LRP5: variants seen among roughly 807,000 people sequenced by gnomAD.
The protein encoded by LRP5 is low-density lipoprotein receptor-related protein 5.
In LRP5, 62 loss-of-function variants were observed where a neutral mutation model predicts 154.1. The ratio of observed to expected loss-of-function variants is 0.40; its 90% CI spans 0.33 to 0.50. The LOEUF (loss-of-function observed/expected upper bound fraction) is 0.50, where lower values mean the gene tolerates loss of function less well. Ranked by LOEUF, LRP5 falls within the 20% of genes least tolerant of loss-of-function variation. The probability of loss-of-function intolerance (pLI) is 0.55; values close to 1 mark genes in which losing one functional copy is unlikely to be tolerated. For synonymous variants in LRP5, 966 were observed against 1,011.5 expected (o/e 0.96, Z 0.85); for missense variants, 1,915 against 2,336.7 (o/e 0.82, Z 3.72).
intron 6 of LRP5, among the ~76,000 whole-genome samples, 163 bp from the exon 7 acceptor site, chr11:68,389,718 C>T (rs879505485): frequency 3.3e-5 from 5 of 151,712 alleles, no homozygotes; most frequent in Non-Finnish European, 7.4e-5. Context: ...TTACCAACAC[C>T]GACATTTACG....
At chr11:68,321,249 T>C (rs1444270155) in intron 1 of LRP5, among the ~76,000 whole-genome samples, 1 of 152,138 alleles carries the variant, frequency 6.6e-6, no homozygotes, top group East Asian at 1.9e-4. Flanking sequence ...TGCCTGTGAG[T>C]GTCTTTGTGT....
intron 6 of LRP5, 103 bp from the exon 7 acceptor site, chr11:68,389,778 A>C: frequency 8.7e-7 from 1 of 1,146,142 alleles, no homozygotes. Flanking sequence ...ACATTTAGCC[A>C]TGTGATGGGG....
chr11:68,385,504 G>A (rs996638629), intron 5 of LRP5, among the ~76,000 whole-genome samples: 1 of 152,162 alleles, frequency 6.6e-6, no homozygotes, highest in South Asian at 2.1e-4. Flanking sequence ...GGAGGCCGCG[G>A]TGCAGCCCCA....
At position 68,449,092 on chromosome 11, in the gene LRP5, T is replaced by A. The variant is rs1402518739; in HGVS notation, c.*22T>A. On this transcript the variant is annotated 3_prime_UTR_variant, in exon 23 of 23. Coordinates refer to ENST00000294304, the MANE Select transcript of LRP5 (RefSeq NM_002335.4). ...CTGACCTCGGCCGGGCCACTCTGGC[T>A]TCTCTGTGCCCCTGTAAATAGTTTT... is the stretch of plus-strand genomic sequence containing the variant. 7 of 1,518,970 alleles carry A rather than the reference T, an allele frequency of 4.6e-6. No individual in the cohort carries two copies. The highest frequency in any genetic ancestry group is 4.4e-6 in the Non-Finnish European group (5 of 1,136,742). The allele number at this position is 1,518,970 out of a possible 1,614,324, so 94.1% of individuals were successfully genotyped here. A position where few individuals can be genotyped will look rare whatever the true frequency, so the allele number is the denominator to read the frequency against.
At chr11:68,299,921 C>A in the LRP5 span, among the ~76,000 whole-genome samples, 2 of 148,646 alleles carry the variant, frequency 1.3e-5, no homozygotes, top group East Asian at 1.9e-4. Context: ...TTTTTTGAGA[C>A]GGAGTCTTGT....
At chr11:68,351,907 G>C (rs1018779473) in intron 2 of LRP5, among the ~76,000 whole-genome samples, 1 of 152,128 alleles carries the variant, frequency 6.6e-6, no homozygotes, top group Non-Finnish European at 1.5e-5. Context: ...TGGGGGCAGC[G>C]CGGTCCAGGC....
Position 68,409,405 on chromosome 11 carries a change from T to C in LRP5, c.2092-509T>C, listed in dbSNP as rs554232947. ...CATTTATATTATTTTATATAAAATA[T>C]ATATAAAATCTCCAAGTTGCTTTTT... is the stretch of plus-strand genomic sequence containing the variant. On this transcript the variant is annotated intron_variant, in intron 9 of 22. Coordinates refer to ENST00000294304, the MANE Select transcript of LRP5 (RefSeq NM_002335.4). Among the ~76,000 whole-genome samples, 9 of 149,006 alleles carry C rather than the reference T, an allele frequency of 6.0e-5. No individual in the cohort carries two copies. The South Asian group carries it at 6.3e-4, about 10-fold the overall frequency.
At chr11:68,358,595 C>T (rs760551549) in intron 3 of LRP5, among the ~76,000 whole-genome samples, 7 of 152,154 alleles carry the variant, frequency 4.6e-5, no homozygotes, top group South Asian at 4.1e-4. Context: ...GGGCAACAGC[C>T]GGAAGCTGTC....
At chr11:68,343,131 G>C (rs759711013) in intron 1 of LRP5, among the ~76,000 whole-genome samples, 1 of 152,236 alleles carries the variant, frequency 6.6e-6, no homozygotes, top group Non-Finnish European at 1.5e-5. Flanking sequence ...GCGTCTGCCT[G>C]GTGAGGTGCA....
intron 2 of LRP5, among the ~76,000 whole-genome samples, chr11:68,348,472 TA>T (rs1565335813): frequency 1.3e-5 from 1 of 77,222 alleles, no homozygotes; most frequent in Non-Finnish European, 2.6e-5. Flanking sequence ...GTGTCACTCT[TA>T]AAATGAACCC....
At chr11:68,392,279 A>G (rs895367579) in intron 7 of LRP5, among the ~76,000 whole-genome samples, 4 of 152,152 alleles carry the variant, frequency 2.6e-5, no homozygotes, top group African/African-American at 9.7e-5. Flanking sequence ...TGAGGTGGGC[A>G]GATCACCTGA....
chr11:68,435,829 G>A (rs1159114790), intron 18 of LRP5, among the ~76,000 whole-genome samples: 3 of 152,098 alleles, frequency 2.0e-5, no homozygotes, highest in Non-Finnish European at 2.9e-5. Context: ...AGGTTCAAGC[G>A]ATTCTCCTGT....
rs11382677 is a variant in LRP5, at chr11:68,338,867, G to GTTTTTTT, written c.92-8962_92-8956dup. On this transcript the variant is annotated intron_variant, in intron 1 of 22. Coordinates refer to ENST00000294304, the MANE Select transcript of LRP5 (RefSeq NM_002335.4). ...TCATTGGTTTTTTTGCTTTTGTTTAGTTTTTTTTTTTTTTTTTTTTTTTTG... is the reference window on the plus strand; with the variant it reads ...TCATTGGTTTTTTTGCTTTTGTTTAGTTTTTTTTTTTTTTTTTTTTTTTTTTTTTTTG... 1.2e-3 allele frequency among the ~76,000 whole-genome samples: 110 copies of GTTTTTTT among 91,940 alleles called. 2 individuals carry two copies. The highest frequency in any genetic ancestry group is 1.5e-3 in the African/African-American group (33 of 21,564). 60.3% of individuals were successfully genotyped at this position (91,940 alleles called of 152,430 possible).
chr11:68,337,106 A>G (rs577011862), intron 1 of LRP5, among the ~76,000 whole-genome samples: 1 of 152,252 alleles, frequency 6.6e-6, no homozygotes, highest in South Asian at 2.1e-4. Context: ...TGTTGGGGGT[A>G]TAACAGGACC....
At chr11:68,338,867 G>T (rs201016006) in intron 1 of LRP5, among the ~76,000 whole-genome samples, 30 of 91,934 alleles carry the variant, frequency 3.3e-4, no homozygotes, top group East Asian at 2.5e-3. Context: ...CTTTTGTTTA[G>T]TTTTTTTTTT....
intron 1 of LRP5, among the ~76,000 whole-genome samples, chr11:68,313,203 G>T (rs1234839875): frequency 6.6e-6 from 1 of 151,156 alleles, no homozygotes; most frequent in African/African-American, 2.4e-5. Flanking sequence ...GAGCCGGTTC[G>T]CAAGCCTGTT....
chr11:68,440,000 C>T (rs747347556), intron 21 of LRP5, 84 bp downstream of exon 21: 432 of 1,331,214 alleles, frequency 3.2e-4, no homozygotes, highest in Non-Finnish European at 4.0e-4. Context: ...GGAGGCTTCC[C>T]GGGTTCCTGG....
In LRP5 at chr11:68,448,873, G is replaced by A. The variant is rs724159827; in HGVS notation, c.4651G>A (p.Asp1551Asn). 1.8e-5 allele frequency: 29 copies of A among 1,612,602 alleles called. No homozygotes were observed. Among genetic ancestry groups the A allele is most frequent in the South Asian group, 3.3e-5 (3 of 91,072 alleles). ...TPCSTDVCDS[D>N]YSASRWKASK... ...CTGCAGCACCGACGTGTGTGACAGC[G>A]ACTACAGCGCCAGCCGCTGGAAGGC... Residue 1551 changes from aspartate (D) to asparagine (N), a missense_variant, in exon 23 of 23, where the codon GAC becomes AAC. By Grantham distance (23) the Asp-to-Asn change is conservative. Coordinates refer to ENST00000294304, the MANE Select transcript of LRP5 (RefSeq NM_002335.4).
At chr11:68,349,192 C>T (rs376752413) in intron 2 of LRP5, among the ~76,000 whole-genome samples, 1 of 151,866 alleles carries the variant, frequency 6.6e-6, no homozygotes, top group East Asian at 2.0e-4. Flanking sequence ...ACCACCACGC[C>T]CAGCTAATTT....
Sources: allele counts gnomAD v4.1 joint callset (sites outside exome capture counted in the v4.1 genomes callset), GRCh38; gene constraint gnomAD v4.1.1; transcripts MANE v1.5; gene names NCBI Gene and HGNC (gene_info 2026-07-23, HGNC 2026-07-21).